Variants in SV2C observed in about 807,000 individuals in gnomAD.
SV2C encodes synaptic vesicle glycoprotein 2C.
Under a neutral mutation model 79.7 loss-of-function variants are expected in SV2C, and 49 were observed. The ratio of observed to expected loss-of-function variants is 0.61; its 90% CI spans 0.49 to 0.78. The LOEUF (loss-of-function observed/expected upper bound fraction) is 0.78, where lower values mean the gene tolerates loss of function less well. Ranked by LOEUF, SV2C falls within the 30% of genes least tolerant of loss-of-function variation. The probability of loss-of-function intolerance (pLI) is 0.00; values close to 1 mark genes in which losing one functional copy is unlikely to be tolerated. For synonymous variants in SV2C, 334 were observed against 333.2 expected (o/e 1.00, Z -0.03); for missense variants, 833 against 912.9 (o/e 0.91, Z 1.13).
chr5:75,964,709 C>T, the SV2C span, among the ~76,000 whole-genome samples: 1 of 152,186 alleles, frequency 6.6e-6, no homozygotes, highest in South Asian at 2.1e-4. Flanking sequence ...TTCTGTCTTT[C>T]AAAAATTTGT....
At chr5:76,245,936 A>ATGTGTATGTGTGTGTGTGTGTGTGTG (rs375007331) in intron 4 of SV2C, among the ~76,000 whole-genome samples, 5 of 129,048 alleles carry the variant, frequency 3.9e-5, no homozygotes, top group African/African-American at 1.3e-4. Context: ...GTGTGTGTGT[A>ATGTGTATGTGTGTGTGTGTGTGTGTG]TGTGTGTGTG....
In SV2C at chr5:76,285,796, G is replaced by A. The variant is rs1183266906; in HGVS notation, c.1063G>A (p.Glu355Lys). The A allele has an allele frequency of 6.2e-7, 1 of 1,613,976 alleles. No homozygotes were observed. Among genetic ancestry groups the A allele is most frequent in the Admixed American group, 1.7e-5 (1 of 59,960 alleles). The part of the protein sequence containing the change: ...RFLLEVGKHD[E>K]AWMILKLIHD... ...CATTTCTTAGGTTGGAAAACATGAT[G>A]AAGCTTGGATGATTCTGAAGTTAAT... The change falls in exon 6 of 13, where the codon GAA (glutamate) becomes AAA (lysine). Residue 355 changes from glutamate (E) to lysine (K), a missense_variant. Physicochemically the swap from Glu to Lys is moderately conservative, Grantham distance 56. Coordinates refer to ENST00000502798, the MANE Select transcript of SV2C (RefSeq NM_014979.4).
intron 8 of SV2C, among the ~76,000 whole-genome samples, chr5:76,293,668 A>G (rs1747636606): frequency 6.6e-6 from 1 of 151,910 alleles, no homozygotes; most frequent in Non-Finnish European, 1.5e-5. Flanking sequence ...CCCCACAGAC[A>G]TTACTATGAA....
chr5:76,112,695 G>A (rs1382879147), intron 1 of SV2C, among the ~76,000 whole-genome samples: 1 of 152,214 alleles, frequency 6.6e-6, no homozygotes, highest in African/African-American at 2.4e-5. Flanking sequence ...AGTGGAAGTG[G>A]TGAGAAAGTG....
the SV2C span, among the ~76,000 whole-genome samples, chr5:75,854,562 T>G: frequency 3.3e-5 from 5 of 152,330 alleles, no homozygotes; most frequent in East Asian, 7.7e-4. Context: ...TTCCTTGATT[T>G]ATATCTCTTC....
the SV2C span, chr5:75,911,831 C>G: frequency 1.8e-6 from 1 of 560,474 alleles, no homozygotes; most frequent in Admixed American, 1.9e-5. Context: ...GCACCTGAAC[C>G]TCAAGAATAG....
chr5:76,047,336 A>G, the SV2C span, among the ~76,000 whole-genome samples: 2 of 152,230 alleles, frequency 1.3e-5, no homozygotes, highest in Admixed American at 1.3e-4. Flanking sequence ...AACTTTATAT[A>G]AATATAAGTG....
intron 9 of SV2C, among the ~76,000 whole-genome samples, chr5:76,298,186 C>G (rs1281768835): frequency 6.6e-6 from 1 of 152,112 alleles, no homozygotes; most frequent in Non-Finnish European, 1.5e-5. Flanking sequence ...TATCTGTTGG[C>G]TGTGAGAAGA....
chr5:75,974,181 G>A, the SV2C span, among the ~76,000 whole-genome samples: 2 of 151,978 alleles, frequency 1.3e-5, no homozygotes, highest in African/African-American at 4.8e-5. Context: ...CTACATAGAT[G>A]TTTGGATTTC....
At chr5:76,268,675 T>C (rs2972828) in intron 4 of SV2C, among the ~76,000 whole-genome samples, 106,739 of 152,102 alleles carry the variant, frequency 0.7, 37,537 homozygotes, top group Middle Eastern at 0.74. Context: ...TTATAAGCTG[T>C]GGGTGTTTTC....
chr5:76,311,192 G>C (rs1748426261), intron 12 of SV2C: 1 of 152,306 alleles, frequency 6.6e-6, no homozygotes, highest in South Asian at 2.1e-4. Flanking sequence ...ACCTTGGTCA[G>C]TCACCTCTAT....
intron 2 of SV2C, among the ~76,000 whole-genome samples, chr5:76,177,938 G>C (rs973384187): frequency 6.6e-6 from 1 of 152,170 alleles, no homozygotes; most frequent in Non-Finnish European, 1.5e-5. Context: ...TGCTGATATA[G>C]AGGAGATTTC....
intron 2 of SV2C, among the ~76,000 whole-genome samples, chr5:76,157,942 A>G (rs1243527106): frequency 6.6e-6 from 1 of 151,868 alleles, no homozygotes; most frequent in Non-Finnish European, 1.5e-5. Flanking sequence ...ACATTTCTAT[A>G]TCTCACTGGA....
At chr5:75,966,754 T>A in the SV2C span, among the ~76,000 whole-genome samples, 1 of 152,164 alleles carries the variant, frequency 6.6e-6, no homozygotes, top group Non-Finnish European at 1.5e-5. Flanking sequence ...AAACCTGCTT[T>A]CTCTCACCAT....
the SV2C span, among the ~76,000 whole-genome samples, chr5:75,899,053 T>A: frequency 5.1e-4 from 77 of 152,216 alleles, no homozygotes; most frequent in African/African-American, 1.4e-3. Flanking sequence ...AAGGGTTTTT[T>A]GTGTCTCTAT....
At chr5:75,868,900 C>T in the SV2C span, among the ~76,000 whole-genome samples, 2 of 152,162 alleles carry the variant, frequency 1.3e-5, no homozygotes, top group East Asian at 1.9e-4. Context: ...AATTGCAGGG[C>T]GTAGGCTTTG....
chr5:75,883,002 CA>C, the SV2C span, among the ~76,000 whole-genome samples: 1 of 148,124 alleles, frequency 6.8e-6, no homozygotes, highest in African/African-American at 2.5e-5. Context: ...AAGAAAAAAA[CA>C]AACAACCCCA....
the SV2C span, among the ~76,000 whole-genome samples, chr5:75,937,339 T>C: frequency 6.6e-6 from 1 of 152,182 alleles, no homozygotes; most frequent in Non-Finnish European, 1.5e-5. Context: ...GAAGATTTTT[T>C]CTCAGCATTA....
intron 2 of SV2C, among the ~76,000 whole-genome samples, chr5:76,187,375 C>A (rs998699041): frequency 1.3e-5 from 2 of 152,172 alleles, no homozygotes; most frequent in African/African-American, 4.8e-5. Flanking sequence ...TAACAAGTAG[C>A]ACTATTGCTT....
Sources: gnomAD v4.1 joint callset for allele counts (sites outside exome capture counted in the v4.1 genomes callset) on GRCh38, gnomAD v4.1.1 for gene constraint, MANE v1.5 for transcripts, NCBI Gene and HGNC (gene_info 2026-07-23, HGNC 2026-07-21) for gene names.